Variants in SORCS1 observed in about 807,000 individuals in gnomAD.
SORCS1 encodes the protein VPS10 domain-containing receptor SorCS1.
SORCS1 carries 60 observed loss-of-function variants against 146.1 expected under a neutral mutation model. The ratio of observed to expected loss-of-function variants is 0.41; its 90% CI spans 0.33 to 0.51. The LOEUF is 0.51. Ranked by LOEUF, SORCS1 falls within the 20% of genes least tolerant of loss-of-function variation. The probability of loss-of-function intolerance (pLI) is 0.21; values close to 1 mark genes in which losing one functional copy is unlikely to be tolerated. For missense variants in SORCS1, 1,352 were observed against 1,487.6 expected (o/e 0.91, Z 1.50); for synonymous variants, 637 against 584.0 (o/e 1.09, Z -1.31).
chr10:106,911,368 C>A (rs766610109), intron 2 of SORCS1, among the ~76,000 whole-genome samples: 20 of 152,154 alleles, frequency 1.3e-4, no homozygotes, highest in Non-Finnish European at 2.8e-4. Flanking sequence ...GCAGGGGGGT[C>A]ACTGCTGGTA....
intron 3 of SORCS1, among the ~76,000 whole-genome samples, chr10:106,801,817 ACCGTGC>A (rs1469765493): frequency 1.3e-5 from 2 of 152,182 alleles, no homozygotes; most frequent in Non-Finnish European, 2.9e-5. Flanking sequence ...GGCGTGAGCC[ACCGTGC>A]CCAGCTAGTA....
In SORCS1 at chr10:106,704,899, T is replaced by C. The variant is rs184505608; in HGVS notation, c.1233+1646A>G. On this transcript the variant is annotated intron_variant, in intron 8 of 25. Transcript: ENST00000263054. ...TCAATCAAAGAAACAACAATTTATT[T>C]CAATGCTCAAGAGGAAAAAAACAAA... is the stretch of plus-strand genomic sequence containing the variant. 2.9e-4 allele frequency among the ~76,000 whole-genome samples: 44 copies of C among 152,268 alleles called. 2 individuals carry two copies. The highest frequency in any genetic ancestry group is 2.7e-3 in the East Asian group (14 of 5,188).
intron 1 of SORCS1, among the ~76,000 whole-genome samples, chr10:107,021,431 G>A (rs533013012): frequency 6.3e-4 from 91 of 143,962 alleles, no homozygotes; most frequent in Admixed American, 2.0e-3. Flanking sequence ...GGAGAATGGC[G>A]TGAACCCGGG....
At position 106,900,077 on chromosome 10, in the gene SORCS1, C is replaced by G. The variant is rs556420966; in HGVS notation, c.626+56436G>C. ...CAAGGGACATCTCCCTTGGGACCAT[C>G]CTTCCCAAACCGCACACTAAATAGG... On this transcript the variant is annotated intron_variant, in intron 2 of 25. Coordinates refer to ENST00000263054, the MANE Select transcript of SORCS1 (RefSeq NM_052918.5). 3.9e-5 allele frequency among the ~76,000 whole-genome samples: 6 copies of G among 152,224 alleles called. No individual in the cohort carries two copies. The South Asian group carries it at 1.2e-3, about 32-fold the overall frequency.
intron 2 of SORCS1, among the ~76,000 whole-genome samples, chr10:106,875,356 T>C (rs1361441341): frequency 6.6e-6 from 1 of 152,210 alleles, no homozygotes; most frequent in African/African-American, 2.4e-5. Flanking sequence ...CTTTATCCAT[T>C]CGTTGGTCAG....
chr10:106,584,684 G>A (rs1003102675), intron 24 of SORCS1, among the ~76,000 whole-genome samples: 1 of 152,180 alleles, frequency 6.6e-6, no homozygotes, highest in Non-Finnish European at 1.5e-5. Flanking sequence ...ACTGATTAAT[G>A]AATCATTGTT....
At chr10:106,994,086 A>AAGAG (rs59063778) in intron 1 of SORCS1, among the ~76,000 whole-genome samples, 1 of 135,004 alleles carries the variant, frequency 7.4e-6, no homozygotes, top group African/African-American at 3.5e-5. Flanking sequence ...AAAAAAAAAA[A>AAGAG]AGAAAATGAG....
At chr10:106,897,481 A>G (rs1951534956) in intron 2 of SORCS1, among the ~76,000 whole-genome samples, 2 of 151,944 alleles carry the variant, frequency 1.3e-5, no homozygotes, top group Admixed American at 6.6e-5. Context: ...TACCTTTTCT[A>G]TTCACTTCTC....
At chr10:107,163,382 G>T (rs1287864660) in intron 1 of SORCS1, among the ~76,000 whole-genome samples, 1 of 152,184 alleles carries the variant, frequency 6.6e-6, no homozygotes, top group Non-Finnish European at 1.5e-5. Flanking sequence ...ATGCTGGAGA[G>T]TTCCTGCCCT....
intron 5 of SORCS1, among the ~76,000 whole-genome samples, chr10:106,756,676 G>A (rs781406564): frequency 6.6e-6 from 1 of 152,088 alleles, no homozygotes; most frequent in Non-Finnish European, 1.5e-5. Flanking sequence ...TCTTATTTAT[G>A]GTTGCTATGG....
chr10:106,682,812 G>C (rs1273710617), intron 10 of SORCS1, among the ~76,000 whole-genome samples: 5 of 152,160 alleles, frequency 3.3e-5, no homozygotes, highest in Admixed American at 3.3e-4. Flanking sequence ...CTGTTCCAAA[G>C]GCAGTTCTCT....
chr10:107,003,942 G>A (rs1228298244), intron 1 of SORCS1, among the ~76,000 whole-genome samples: 3 of 152,052 alleles, frequency 2.0e-5, no homozygotes, highest in Admixed American at 6.6e-5. Context: ...TTGGGAGGCC[G>A]AGGAGGGTGG....
chr10:106,748,185 A>T (rs1284668616), intron 5 of SORCS1, among the ~76,000 whole-genome samples: 1 of 152,124 alleles, frequency 6.6e-6, no homozygotes, highest in Non-Finnish European at 1.5e-5. Flanking sequence ...TTACAAATAG[A>T]AGGTTTGTGG....
At chr10:107,012,009 G>C (rs530906444) in intron 1 of SORCS1, among the ~76,000 whole-genome samples, 1 of 152,150 alleles carries the variant, frequency 6.6e-6, no homozygotes, top group Non-Finnish European at 1.5e-5. Context: ...CATTTTTTTA[G>C]TAATTTTTAA....
chr10:107,057,341 C>T (rs541441093), intron 1 of SORCS1, among the ~76,000 whole-genome samples: 3 of 152,194 alleles, frequency 2.0e-5, no homozygotes, highest in Non-Finnish European at 4.4e-5. Flanking sequence ...AACTCAGTAT[C>T]TAGGTTTAGT....
intron 1 of SORCS1, among the ~76,000 whole-genome samples, chr10:106,986,143 A>G (rs573466708): frequency 6.6e-6 from 1 of 152,316 alleles, no homozygotes; most frequent in African/African-American, 2.4e-5. Context: ...GGGTTCCTGT[A>G]TATCTATCTT....
chr10:106,811,186 C>A (rs946589902), intron 3 of SORCS1, among the ~76,000 whole-genome samples: 1 of 152,132 alleles, frequency 6.6e-6, no homozygotes, highest in Non-Finnish European at 1.5e-5. Flanking sequence ...GATCCACCCA[C>A]CTCGGCCTCC....
rs966846760 is a variant in SORCS1 at position 106,895,697 on chromosome 10, G to A, written c.626+60816C>T. On this transcript the variant is annotated intron_variant, in intron 2 of 25. Coordinates refer to ENST00000263054, the MANE Select transcript of SORCS1 (RefSeq NM_052918.5). The stretch of plus-strand genomic sequence containing the variant: ...CATAATGTTGGTGAGACTACAAAAC[G>A]GTACAACCACTATGGAAAATGGTAT... Among the ~76,000 whole-genome samples, 11 of 152,170 alleles carry A rather than the reference G, an allele frequency of 7.2e-5. No homozygotes were observed. In the East Asian group the frequency reaches 1.5e-3, roughly 21 times the overall value.
chr10:106,623,184 A>G (rs939105352), intron 19 of SORCS1, among the ~76,000 whole-genome samples: 6 of 151,700 alleles, frequency 4.0e-5, no homozygotes, highest in East Asian at 1.9e-4. Context: ...GACTAGATAA[A>G]CTATGCTAGA....
Sources: gnomAD v4.1 joint callset for allele counts (sites outside exome capture counted in the v4.1 genomes callset) on GRCh38, gnomAD v4.1.1 for gene constraint, MANE v1.5 for transcripts, NCBI Gene and HGNC (gene_info 2026-07-23, HGNC 2026-07-21) for gene names.